Variants in TDO2 observed in about 807,000 individuals in gnomAD.
The protein encoded by TDO2 is tryptamin 2,3-dioxygenase.
In TDO2, 63 loss-of-function variants were observed where a neutral mutation model predicts 61.2. That is an observed-to-expected ratio of 1.03 (90% CI 0.84 to 1.27). TDO2 has a LOEUF of 1.27. Ranked by LOEUF, TDO2 falls within the 50% of genes most tolerant of loss-of-function variation. TDO2 has a pLI of 0.00. For missense variants in TDO2, 494 were observed against 469.5 expected (o/e 1.05, Z -0.48); for synonymous variants, 183 against 164.0 (o/e 1.12, Z -0.89).
intron 9 of TDO2, among the ~76,000 whole-genome samples, chr4:155,916,206 G>C (rs1455430087): frequency 1.5e-5 from 2 of 134,624 alleles, no homozygotes; most frequent in East Asian, 4.3e-4. Context: ...CTCGCTCTGT[G>C]GCCCAGGCGG....
At position 155,910,070 on chromosome 4, in the gene TDO2, A is replaced by G. The variant is rs1742801733; in HGVS notation, c.477A>G (p.Arg159=). The G allele has an allele frequency of 1.3e-6, 2 of 1,589,224 alleles. No individual in the cohort carries two copies. Among genetic ancestry groups the G allele is most frequent in the Middle Eastern group, 3.3e-4 (2 of 5,992 alleles). Residue 159 remains arginine (R), a synonymous_variant, in exon 6 of 12, where the codon CGA becomes CGG. Transcript: ENST00000536354. ...PASGFQSLQF[R]LLENKIGVLQ... Reference sequence around the variant, plus strand: ...CAGGCTTCCAGAGTTTGCAATTCCGACTATTAGAAAACAAGATAGGTGTTC... The same window carrying G: ...CAGGCTTCCAGAGTTTGCAATTCCGGCTATTAGAAAACAAGATAGGTGTTC...
intron 4 of TDO2, among the ~76,000 whole-genome samples, chr4:155,908,675 T>C (rs1478079700): frequency 6.6e-6 from 1 of 152,228 alleles, no homozygotes; most frequent in Non-Finnish European, 1.5e-5. Context: ...TATATAATTT[T>C]CTATTGTCAA....
At chr4:155,916,685 CCTACT>C (rs1742944492) in intron 9 of TDO2, among the ~76,000 whole-genome samples, 1 of 152,098 alleles carries the variant, frequency 6.6e-6, no homozygotes. Flanking sequence ...TTGACTCACT[CCTACT>C]CTATTGTATG....
intron 9 of TDO2, among the ~76,000 whole-genome samples, chr4:155,916,223 A>T (rs1183785010): frequency 3.9e-5 from 5 of 129,698 alleles, no homozygotes; most frequent in Non-Finnish European, 6.3e-5. Context: ...GCGGGAGTGC[A>T]GTGGTGCAAT....
chr4:155,905,468 G>C (rs1399344950), intron 3 of TDO2: 2 of 246,714 alleles, frequency 8.1e-6, no homozygotes, highest in African/African-American at 4.6e-5. Flanking sequence ...TCTCACTTCG[G>C]AACACTAAAA....
Position 155,905,150 on chromosome 4 carries a change from T to C in TDO2, c.225T>C (p.Thr75=). The stretch of plus-strand genomic sequence containing the variant: ...ATGATGAACATCTTTTTATCATAAC[T>C]CATCAAGGTAAGTTGCACAAAGGTT... ...KIHDEHLFII[T]HQAYELWFKQ... is the part of the protein sequence containing the mutation. Residue 75 remains threonine (T), a synonymous_variant, in exon 3 of 12, where the codon ACT becomes ACC. Coordinates refer to ENST00000536354, the MANE Select transcript of TDO2 (RefSeq NM_005651.4). The C allele has an allele frequency of 6.3e-7, 1 of 1,587,282 alleles. No homozygotes were observed. The highest frequency in any genetic ancestry group is 8.6e-7 in the Non-Finnish European group (1 of 1,167,730).
At chr4:155,909,125 T>C (rs34133854) in intron 5 of TDO2, 111 bp downstream of exon 5, 112,389 of 1,123,708 alleles carry the variant, frequency 0.1, 6,238 homozygotes, top group South Asian at 0.16. Context: ...CTTACTAACA[T>C]TTTGTCACTA....
chr4:155,915,768 A>G (rs1188074859), intron 8 of TDO2, 87 bp from the exon 9 acceptor site: 19 of 1,099,502 alleles, frequency 1.7e-5, no homozygotes, highest in Non-Finnish European at 2.1e-5. Flanking sequence ...CATGTAATCC[A>G]TTAAATTTTT....
At position 155,903,993 on chromosome 4, in the gene TDO2, C is replaced by T. The variant is rs146892100; in HGVS notation, c.36-25C>T. On this transcript the variant is annotated intron_variant, in intron 1 of 11. Transcript: ENST00000536354. ...CTGTGTTTTCTAAAGCACTATTTTT[C>T]CCTCTTGATTTATTAAATTTGCAGA... 1,968 of 1,594,828 alleles carry T rather than the reference C, an allele frequency of 1.2e-3. 13 individuals are homozygous for T. The African/African-American group carries it at 0.015, about 12-fold the overall frequency.
At chr4:155,906,906 A>G (rs1333267736) in intron 3 of TDO2, 1 of 152,228 alleles carries the variant, frequency 6.6e-6, no homozygotes, top group African/African-American at 2.4e-5. Flanking sequence ...GTCACTTCAG[A>G]TAGATTGATT....
In TDO2 at chr4:155,903,796, G is replaced by T; in HGVS notation, c.35+3G>T. The T allele has an allele frequency of 6.2e-7, 1 of 1,614,030 alleles. No individual in the cohort carries two copies. Among genetic ancestry groups the T allele is most frequent in the Non-Finnish European group, 8.5e-7 (1 of 1,180,030 alleles). On this transcript the variant is annotated splice_donor_region_variant and intron_variant, in intron 1 of 11. Transcript: ENST00000536354. Reference sequence around the variant, plus strand: ...CCATTTTTAGGAAACAACTTTGGGTGAGTATTTACCTTTATTCTAAGTGGG... The same window carrying T: ...CCATTTTTAGGAAACAACTTTGGGTTAGTATTTACCTTTATTCTAAGTGGG...
At chr4:155,918,350 A>G in intron 11 of TDO2, 111 bp downstream of exon 11, 1 of 825,280 alleles carries the variant, frequency 1.2e-6, no homozygotes, top group Non-Finnish European at 2.0e-6. Flanking sequence ...TGTCTGAACT[A>G]CTAACAACAC....
intron 6 of TDO2, among the ~76,000 whole-genome samples, chr4:155,910,461 C>A (rs1742810273): frequency 6.6e-6 from 1 of 152,094 alleles, no homozygotes; most frequent in Non-Finnish European, 1.5e-5. Context: ...ATAACCTTAT[C>A]ATCTCAATAA....
intron 8 of TDO2, 25 bp from the exon 9 acceptor site, chr4:155,915,830 T>A (rs1336690348): frequency 1.9e-6 from 3 of 1,593,032 alleles, no homozygotes; most frequent in Middle Eastern, 1.7e-4. Context: ...ACCTAAAAAA[T>A]TTAAATTTAG....
At chr4:155,913,776 T>C (rs72681578) in intron 7 of TDO2, among the ~76,000 whole-genome samples, 9,886 of 152,198 alleles carry the variant, frequency 0.065, 415 homozygotes, top group South Asian at 0.15. Flanking sequence ...TTAATTGGCT[T>C]ATAAGCAGAA....
chr4:155,910,178 T>A lies in TDO2; in HGVS notation c.585T>A (p.Ser195=). The change falls in exon 6 of 12, where the codon TCT becomes TCA. Residue 195 remains serine (S), a synonymous_variant. Coordinates refer to ENST00000536354, the MANE Select transcript of TDO2 (RefSeq NM_005651.4). The part of the protein sequence containing the change: ...KGEENELLLK[S]EQEKTLLELV... Reference sequence around the variant, plus strand: ...AAGAAAATGAACTGCTACTTAAATCTGAGCAGGAAAAGACACTTCTGGAAT... The same window carrying A: ...AAGAAAATGAACTGCTACTTAAATCAGAGCAGGAAAAGACACTTCTGGAAT... 1.3e-6 allele frequency: 2 copies of A among 1,588,718 alleles called. No individual in the cohort carries two copies. The highest frequency in any genetic ancestry group is 1.7e-6 in the Non-Finnish European group (2 of 1,170,920).
At chr4:155,904,208 G>A in intron 2 of TDO2, 85 bp downstream of exon 2, 2 of 966,608 alleles carry the variant, frequency 2.1e-6, no homozygotes, top group Non-Finnish European at 3.1e-6. Context: ...TTTATTTCTT[G>A]GAATTAGGGA....
At chr4:155,905,860 C>G (rs1742709073) in intron 3 of TDO2, 1 of 152,070 alleles carries the variant, frequency 6.6e-6, no homozygotes, top group Admixed American at 6.6e-5. Context: ...TCTTTGTGTT[C>G]TTTCCTCAAA....
intron 7 of TDO2, 125 bp from the exon 8 acceptor site, chr4:155,914,198 A>T: frequency 3.1e-6 from 2 of 646,658 alleles, no homozygotes; most frequent in Non-Finnish European, 5.2e-6. Flanking sequence ...ATATTAGAAG[A>T]TACAGTAAAT....
Sources: allele counts gnomAD v4.1 joint callset (sites outside exome capture counted in the v4.1 genomes callset), GRCh38; gene constraint gnomAD v4.1.1; transcripts MANE v1.5; gene names NCBI Gene and HGNC (gene_info 2026-07-23, HGNC 2026-07-21).